FRMPD4: variants seen among roughly 807,000 people sequenced by gnomAD.
FRMPD4 encodes the protein FERM and PDZ domain containing 4, also known as FERM and PDZ domain-containing protein 4.
FRMPD4 carries 22 observed loss-of-function variants against 94.1 expected under a neutral mutation model. The observed-to-expected ratio is 0.23, with a 90% confidence interval of 0.17 to 0.33. The LOEUF (loss-of-function observed/expected upper bound fraction) is 0.33, where lower values mean the gene tolerates loss of function less well. Ranked by LOEUF, FRMPD4 falls within the 10% of genes least tolerant of loss-of-function variation. The probability of loss-of-function intolerance (pLI) is 1.00; values close to 1 mark genes in which losing one functional copy is unlikely to be tolerated. For synonymous variants in FRMPD4, 631 were observed against 548.6 expected, an observed-to-expected ratio of 1.15 and a Z score of -2.10; for missense variants, 1,111 against 1,339.9, an observed-to-expected ratio of 0.83 and a Z score of 2.67.
intron 1 of FRMPD4, among the ~76,000 whole-genome samples, chrX:12,149,426 C>A (rs1334562030): frequency 9.0e-6 from 1 of 111,252 alleles, no homozygotes; most frequent in Admixed American, 9.6e-5. Flanking sequence ...GATTCCAACC[C>A]TCATAGATGG....
intron 2 of FRMPD4, among the ~76,000 whole-genome samples, chrX:12,576,137 A>G (rs956702527): frequency 1.7e-4 from 19 of 111,395 alleles, no homozygotes; most frequent in African/African-American, 5.2e-4. Flanking sequence ...TAGAACCCAA[A>G]CCCCTTGACT....
intron 3 of FRMPD4, among the ~76,000 whole-genome samples, chrX:12,070,909 G>A (rs575123678): frequency 2.7e-5 from 3 of 112,384 alleles, no homozygotes. Context: ...TCATCACAGC[G>A]ATTTGGTGGC....
At chrX:12,628,230 T>C (rs928048492) in intron 4 of FRMPD4, among the ~76,000 whole-genome samples, 1 of 111,924 alleles carries the variant, frequency 8.9e-6, no homozygotes, top group Non-Finnish European at 1.9e-5. Context: ...CCTATTCCAG[T>C]GTATGATCAG....
chrX:12,109,465 A>G (rs1278076045), intron 3 of FRMPD4, among the ~76,000 whole-genome samples: 2 of 112,212 alleles, frequency 1.8e-5, no homozygotes, highest in Non-Finnish European at 3.8e-5. Flanking sequence ...CCCACAAGAG[A>G]AAGCAGGAAA....
intron 3 of FRMPD4, among the ~76,000 whole-genome samples, chrX:12,080,325 G>C (rs6640883): frequency 0.072 from 8,022 of 111,950 alleles, 280 homozygotes; most frequent in East Asian, 0.24. Context: ...AAGCTTTCTG[G>C]TTTGGACGAT....
intron 1 of FRMPD4, among the ~76,000 whole-genome samples, chrX:12,316,915 T>C (rs896389967): frequency 6.2e-4 from 70 of 112,081 alleles, no homozygotes; most frequent in African/African-American, 2.2e-3. Context: ...ATGGTGATCA[T>C]TATTGAAAAT....
intron 1 of FRMPD4, among the ~76,000 whole-genome samples, chrX:12,337,532 A>G (rs1028201266): frequency 5.3e-5 from 6 of 112,214 alleles, no homozygotes; most frequent in Non-Finnish European, 1.1e-4. Context: ...ATCAAGTAAG[A>G]TAAGGAAATG....
At chrX:12,657,246 G>A (rs2059667236) in intron 4 of FRMPD4, among the ~76,000 whole-genome samples, 1 of 111,875 alleles carries the variant, frequency 8.9e-6, no homozygotes, top group Non-Finnish European at 1.9e-5. Flanking sequence ...TGGGGCTGTG[G>A]TCTCATCTGA....
At position 12,046,464 on chromosome X, in the gene FRMPD4, G is replaced by A. The variant is rs142477379; in HGVS notation, c.95+168446G>A. ...CTGGAGGTAGTGTCAGATCCCCACC[G>A]CTTGAGGGCTCATTCCCCAAGACTG... On this transcript the variant is annotated intron_variant, in intron 3 of 18. Coordinates refer to the FRMPD4 transcript ENST00000640291. Among the ~76,000 whole-genome samples the A allele has an allele frequency of 3.0e-3, 333 of 110,530 alleles. 2 individuals are homozygous for A. Among genetic ancestry groups the A allele is most frequent in the African/African-American group, 9.7e-3 (296 of 30,433 alleles).
chrX:12,110,551 T>C (rs1256972229), intron 3 of FRMPD4, among the ~76,000 whole-genome samples: 1 of 111,374 alleles, frequency 9.0e-6, no homozygotes, highest in Non-Finnish European at 1.9e-5. Flanking sequence ...CTCAACATAG[T>C]GTTGGAAGTT....
chrX:12,225,754 C>T (rs2056915607), intron 1 of FRMPD4, among the ~76,000 whole-genome samples: 1 of 112,163 alleles, frequency 8.9e-6, no homozygotes, highest in Non-Finnish European at 1.9e-5. Context: ...AAGGAAGTAT[C>T]TCACTCTCCC....
intron 1 of FRMPD4, among the ~76,000 whole-genome samples, chrX:12,234,542 G>C (rs1232446462): frequency 9.0e-6 from 1 of 111,453 alleles, no homozygotes; most frequent in African/African-American, 3.3e-5. Context: ...ACCACATAAA[G>C]ATGATTATAC....
At chrX:12,195,887 G>A (rs968272082) in intron 1 of FRMPD4, among the ~76,000 whole-genome samples, 1 of 111,646 alleles carries the variant, frequency 9.0e-6, no homozygotes, top group African/African-American at 3.3e-5. Context: ...AGAAGTCATA[G>A]GCCATTCATC....
chrX:11,899,491 C>T lies in FRMPD4; in HGVS notation c.95+21473C>T, dbSNP rs1396511563. Among the ~76,000 whole-genome samples, 8 of 108,401 alleles carry T rather than the reference C, an allele frequency of 7.4e-5. No homozygotes were observed. In the Admixed American group the frequency reaches 8.0e-4, roughly 11 times the overall value. The allele number at this position is 108,401 out of a possible 115,157, so 94.1% of individuals were successfully genotyped here. On this transcript the variant is annotated intron_variant, in intron 3 of 18. Coordinates refer to the FRMPD4 transcript ENST00000640291. ...TTACCCCAGTGACATCTTTCTCTTT[C>T]CTCTCATAGAGAGAAGGATTAAGAT...
At chrX:11,986,254 G>A (rs1246691248) in intron 3 of FRMPD4, among the ~76,000 whole-genome samples, 1 of 112,325 alleles carries the variant, frequency 8.9e-6, no homozygotes, top group Non-Finnish European at 1.9e-5. Flanking sequence ...AATCTCTGCT[G>A]GGTAATCCAA....
chrX:12,347,242 G>T (rs1260399229), intron 1 of FRMPD4, among the ~76,000 whole-genome samples: 1 of 110,834 alleles, frequency 9.0e-6, no homozygotes, highest in Non-Finnish European at 1.9e-5. Context: ...TATTTTTTAT[G>T]TTTTTATTTT....
rs898635262 is a variant in FRMPD4 at position 12,297,100 on chromosome X, T to A, written c.41+158088T>A. On this transcript the variant is annotated intron_variant, in intron 1 of 16. Transcript: ENST00000675598. The stretch of plus-strand genomic sequence containing the variant: ...CAGTGTCTGCTTACTGACTGCTTCA[T>A]TGACTGTCCATTTACACACCAGGAA... Among the ~76,000 whole-genome samples the A allele has an allele frequency of 3.5e-5, 4 of 112,807 alleles. No individual in the cohort carries two copies. The South Asian group carries it at 1.5e-3, about 41-fold the overall frequency.
chrX:12,177,797 T>C (rs1210669744), intron 1 of FRMPD4, among the ~76,000 whole-genome samples: 2 of 112,229 alleles, frequency 1.8e-5, no homozygotes, highest in African/African-American at 3.2e-5. Context: ...GTAGCACTTA[T>C]ATTCTACTGG....
At chrX:12,355,188 T>A (rs2055876656) in intron 1 of FRMPD4, among the ~76,000 whole-genome samples, 1 of 110,106 alleles carries the variant, frequency 9.1e-6, no homozygotes, top group African/African-American at 3.4e-5. Context: ...CTACCTTTTT[T>A]TTTTTTATAT....
Sources: allele counts gnomAD v4.1 joint callset (sites outside exome capture counted in the v4.1 genomes callset), GRCh38; gene constraint gnomAD v4.1.1; transcripts MANE v1.5; gene names NCBI Gene and HGNC (gene_info 2026-07-23, HGNC 2026-07-21).